The following QKI variants were observed in gnomAD, a reference collection of about 807,000 sequenced individuals.
The protein encoded by QKI is QKI, KH domain containing RNA binding.
A neutral mutation model predicts 39.0 loss-of-function variants in QKI; 10 were observed. The ratio of observed to expected loss-of-function variants is 0.26; its 90% confidence interval spans 0.16 to 0.43. QKI has a LOEUF of 0.43. Among genes scored for constraint, QKI ranks in the 20% least tolerant of loss-of-function variants. The pLI, the probability that QKI is intolerant of heterozygous loss-of-function variation, is 1.00. For synonymous variants in QKI, 204 were observed against 155.4 expected (o/e 1.31, Z -2.33); for missense variants, 218 against 428.0 (o/e 0.51, Z 4.33).
chr6:163,506,140 T>A (rs1376243564), intron 3 of QKI, among the ~76,000 whole-genome samples: 1 of 151,228 alleles, frequency 6.6e-6, no homozygotes, highest in Non-Finnish European at 1.5e-5. Flanking sequence ...CTGAGGCCTC[T>A]CCAGCCATGC....
At chr6:163,559,969 G>A (rs1333190981) in intron 4 of QKI, among the ~76,000 whole-genome samples, 2 of 152,120 alleles carry the variant, frequency 1.3e-5, no homozygotes, top group Non-Finnish European at 2.9e-5. Flanking sequence ...TAAAAGTGGG[G>A]GGCAGTTAGT....
At chr6:163,506,437 A>G (rs552326306) in intron 3 of QKI, among the ~76,000 whole-genome samples, 1 of 151,762 alleles carries the variant, frequency 6.6e-6, no homozygotes, top group Admixed American at 6.5e-5. Flanking sequence ...ATCTGTAACC[A>G]CAGGAAATTG....
chr6:163,577,054 C>T lies in QKI; in HGVS notation c.*6344C>T, dbSNP rs1023889448. 6.6e-6 allele frequency: 1 copy of T among 152,118 alleles called. No individual in the cohort carries two copies. Among genetic ancestry groups the T allele is most frequent in the Non-Finnish European group, 1.5e-5 (1 of 68,016 alleles). 9.4% of individuals were successfully genotyped at this position (152,118 alleles called of 1,614,324 possible). ...GATTTCATCAGCTTCATGAAAAGGA[C>T]TAGTGTCATTAACCTGTTGAACAGA... is the stretch of plus-strand genomic sequence containing the variant. On this transcript the variant is annotated 3_prime_UTR_variant, in exon 8 of 8. Transcript: ENST00000361752.
chr6:163,488,096 T>C (rs1164989147), intron 3 of QKI, among the ~76,000 whole-genome samples: 3 of 152,222 alleles, frequency 2.0e-5, no homozygotes, highest in Non-Finnish European at 4.4e-5. Flanking sequence ...TAAACAGTTT[T>C]ATATGTTTCC....
intron 2 of QKI, among the ~76,000 whole-genome samples, chr6:163,472,875 G>A (rs958089026): frequency 1.3e-5 from 2 of 152,036 alleles, no homozygotes; most frequent in African/African-American, 4.8e-5. Context: ...AGCTTTAGAT[G>A]TATATGTTAG....
At chr6:163,439,349 T>TG (rs1341940685) in intron 1 of QKI, among the ~76,000 whole-genome samples, 1 of 148,438 alleles carries the variant, frequency 6.7e-6, no homozygotes, top group South Asian at 2.1e-4. Context: ...TGTTTTTTTT[T>TG]TTTTTCGGGG....
chr6:163,439,275 C>T (rs913168996), intron 1 of QKI, among the ~76,000 whole-genome samples: 4 of 149,838 alleles, frequency 2.7e-5, no homozygotes, highest in South Asian at 2.1e-4. Flanking sequence ...GTTGTTCAAG[C>T]GAAAGAATTT....
At chr6:163,453,443 AC>A (rs1486276286) in intron 1 of QKI, among the ~76,000 whole-genome samples, 3 of 152,110 alleles carry the variant, frequency 2.0e-5, no homozygotes, top group Non-Finnish European at 2.9e-5. Flanking sequence ...TAGTCCAGAG[AC>A]CTGGCTAAAG....
intron 4 of QKI, among the ~76,000 whole-genome samples, chr6:163,547,617 C>T (rs144574496): frequency 3.3e-5 from 5 of 152,138 alleles, no homozygotes; most frequent in Non-Finnish European, 7.3e-5. Flanking sequence ...TTGCCCTCCC[C>T]GTATCACAAT....
chr6:163,554,109 G>A (rs113296835), intron 4 of QKI, among the ~76,000 whole-genome samples: 2 of 152,182 alleles, frequency 1.3e-5, no homozygotes, highest in Admixed American at 1.3e-4. Flanking sequence ...GCTACTTCAA[G>A]AACCTCAGGA....
chr6:163,448,893 A>G (rs1329294810), intron 1 of QKI, among the ~76,000 whole-genome samples: 1 of 152,092 alleles, frequency 6.6e-6, no homozygotes, highest in Non-Finnish European at 1.5e-5. Context: ...CTTTCTCTGT[A>G]TTTAGTCAAG....
chr6:163,455,467 A>G, intron 2 of QKI, 46 bp downstream of exon 2: 3 of 1,541,452 alleles, frequency 1.9e-6, no homozygotes, highest in East Asian at 2.3e-5. Context: ...TGCTTCACAT[A>G]TGTTGGGAAG....
At chr6:163,514,042 C>G (rs1372261273) in intron 3 of QKI, among the ~76,000 whole-genome samples, 1 of 152,000 alleles carries the variant, frequency 6.6e-6, no homozygotes, top group Non-Finnish European at 1.5e-5. Flanking sequence ...TCCTCAGTTG[C>G]ATATGTTACT....
chr6:163,519,134 A>G (rs1780001045), intron 3 of QKI, among the ~76,000 whole-genome samples: 1 of 152,176 alleles, frequency 6.6e-6, no homozygotes, highest in Non-Finnish European at 1.5e-5. Context: ...TTCATTGAAC[A>G]TGATATATCC....
chr6:163,540,995 TA>T (rs1394664205), intron 4 of QKI, among the ~76,000 whole-genome samples: 1 of 152,054 alleles, frequency 6.6e-6, no homozygotes, highest in Non-Finnish European at 1.5e-5. Flanking sequence ...GTTTTATTGA[TA>T]TCTGCTTTTA....
chr6:163,450,224 A>C (rs564182251), intron 1 of QKI, among the ~76,000 whole-genome samples: 3 of 151,986 alleles, frequency 2.0e-5, no homozygotes, highest in South Asian at 4.2e-4. Context: ...CACCTGGCCA[A>C]TTTTTGTATT....
chr6:163,567,100 A>AT, intron 7 of QKI: 1 of 1,043,606 alleles, frequency 9.6e-7, no homozygotes, highest in Non-Finnish European at 1.2e-6. Context: ...AGTTATTTTC[A>AT]TTAATAACTT....
intron 3 of QKI, among the ~76,000 whole-genome samples, chr6:163,487,642 T>C (rs903048893): frequency 2.0e-5 from 3 of 152,140 alleles, no homozygotes; most frequent in Non-Finnish European, 4.4e-5. Flanking sequence ...TGTCTTGAAT[T>C]CCTGTGGATT....
chr6:163,537,164 C>T lies in QKI; in HGVS notation c.546+2039C>T, dbSNP rs551084021. On this transcript the variant is annotated intron_variant, in intron 4 of 7. Transcript: ENST00000361752. ...TGAGCTATATGATAGCACCACTGTACGCCAGCCTGGGTGACAGAATAAGAC... is the reference window on the plus strand; with the variant it reads ...TGAGCTATATGATAGCACCACTGTATGCCAGCCTGGGTGACAGAATAAGAC... Among the ~76,000 whole-genome samples, 80 of 152,194 alleles carry T rather than the reference C, an allele frequency of 5.3e-4. No homozygotes were observed. In the South Asian group the frequency reaches 5.8e-3, roughly 11 times the overall value.
Sources: allele counts gnomAD v4.1 joint callset (sites outside exome capture counted in the v4.1 genomes callset), GRCh38; gene constraint gnomAD v4.1.1; transcripts MANE v1.5; gene names NCBI Gene and HGNC (gene_info 2026-07-23, HGNC 2026-07-21).